The following GABRB2 variants were observed in gnomAD, a reference collection of about 807,000 sequenced individuals.
GABRB2 encodes gamma-aminobutyric acid receptor subunit beta-2.
GABRB2 carries 16 observed loss-of-function variants against 54.7 expected under a neutral mutation model. The observed-to-expected ratio is 0.29, with a 90% CI of 0.20 to 0.44. The LOEUF is 0.44. Among genes scored for constraint, GABRB2 ranks in the 20% least tolerant of loss-of-function variants. The pLI is 1.00. For missense variants in GABRB2, 355 were observed against 644.0 expected, an observed-to-expected ratio of 0.55 and a Z score of 4.86; for synonymous variants, 244 against 233.8, an observed-to-expected ratio of 1.04 and a Z score of -0.40.
intron 5 of GABRB2, among the ~76,000 whole-genome samples, chr5:161,387,938 T>C (rs1755697323): frequency 6.6e-6 from 1 of 152,094 alleles, no homozygotes; most frequent in Admixed American, 6.6e-5. Context: ...AACTAAACCT[T>C]ATAAAACTGG....
intron 5 of GABRB2, among the ~76,000 whole-genome samples, chr5:161,377,307 T>C (rs1755335477): frequency 6.6e-6 from 1 of 152,108 alleles, no homozygotes; most frequent in Non-Finnish European, 1.5e-5. Flanking sequence ...AGGGCCTCTG[T>C]ATCTTGAATC....
chr5:161,454,707 A>G (rs545887760), intron 4 of GABRB2, among the ~76,000 whole-genome samples: 1 of 152,334 alleles, frequency 6.6e-6, no homozygotes, highest in East Asian at 1.9e-4. Flanking sequence ...TCAAAGAATG[A>G]CTGGGTAGAA....
chr5:161,418,568 T>C (rs1480434194), intron 4 of GABRB2, among the ~76,000 whole-genome samples: 7 of 152,200 alleles, frequency 4.6e-5, no homozygotes, highest in Non-Finnish European at 1.0e-4. Context: ...AAAACTCTTC[T>C]TGACCCTTGA....
intron 4 of GABRB2, among the ~76,000 whole-genome samples, chr5:161,412,104 T>C (rs1311862229): frequency 6.6e-6 from 1 of 152,126 alleles, no homozygotes; most frequent in Admixed American, 6.6e-5. Flanking sequence ...TAGCTCCAGC[T>C]TGGGAGAAAC....
chr5:161,416,615 T>C (rs1251112702), intron 4 of GABRB2, among the ~76,000 whole-genome samples: 1 of 144,426 alleles, frequency 6.9e-6, no homozygotes, highest in Non-Finnish European at 1.5e-5. Flanking sequence ...GAGAATGGCG[T>C]GAACCCGGGA....
chr5:161,315,437 A>T (rs548462655), intron 9 of GABRB2, among the ~76,000 whole-genome samples: 1 of 152,218 alleles, frequency 6.6e-6, no homozygotes, highest in Admixed American at 6.5e-5. Flanking sequence ...ATGACTTCCT[A>T]GGTGTCTTTT....
chr5:161,479,982 A>G (rs891677338), intron 3 of GABRB2, among the ~76,000 whole-genome samples: 5 of 152,108 alleles, frequency 3.3e-5, no homozygotes, highest in African/African-American at 1.2e-4. Flanking sequence ...ACATGTGTAC[A>G]TACACCCATA....
chr5:161,541,824 C>A (rs1760827716), intron 3 of GABRB2, among the ~76,000 whole-genome samples: 1 of 152,254 alleles, frequency 6.6e-6, no homozygotes, highest in Non-Finnish European at 1.5e-5. Context: ...CATGTGTTCA[C>A]TGGACTACCA....
intron 5 of GABRB2, among the ~76,000 whole-genome samples, chr5:161,408,096 G>A (rs1393656892): frequency 6.6e-6 from 1 of 151,946 alleles, no homozygotes; most frequent in African/African-American, 2.4e-5. Flanking sequence ...ATTCATGCAT[G>A]TATTGACTTA....
chr5:161,528,317 T>C (rs1362405829), intron 3 of GABRB2, among the ~76,000 whole-genome samples: 2 of 151,800 alleles, frequency 1.3e-5, no homozygotes, highest in South Asian at 2.1e-4. Context: ...ATTTTCATTA[T>C]TGTTTATTAT....
At chr5:161,517,211 G>T (rs929772413) in intron 3 of GABRB2, among the ~76,000 whole-genome samples, 1 of 152,134 alleles carries the variant, frequency 6.6e-6, no homozygotes, top group Non-Finnish European at 1.5e-5. Flanking sequence ...GTGACCCTGA[G>T]AAAATATCTT....
intron 3 of GABRB2, among the ~76,000 whole-genome samples, chr5:161,483,412 C>A (rs181700534): frequency 6.6e-6 from 1 of 151,814 alleles, no homozygotes; most frequent in Admixed American, 6.6e-5. Flanking sequence ...GAAAAGGATT[C>A]GTTATTTAAA....
intron 3 of GABRB2, 94 bp downstream of exon 3, chr5:161,545,133 C>T: frequency 1.1e-6 from 1 of 891,362 alleles, no homozygotes; most frequent in Non-Finnish European, 1.7e-6. Flanking sequence ...TACACATAGC[C>T]AAGCACACCC....
intron 3 of GABRB2, among the ~76,000 whole-genome samples, chr5:161,490,196 G>T (rs372427340): frequency 1.3e-5 from 2 of 151,572 alleles, no homozygotes; most frequent in African/African-American, 4.8e-5. Flanking sequence ...TAATTATCTC[G>T]TTTTGTGTTA....
chr5:161,362,190 A>G (rs1754833695), intron 5 of GABRB2, among the ~76,000 whole-genome samples: 1 of 152,120 alleles, frequency 6.6e-6, no homozygotes, highest in Non-Finnish European at 1.5e-5. Flanking sequence ...CATGTAGCAT[A>G]ATTTGAAGTC....
At chr5:161,427,870 T>C (rs537248059) in intron 4 of GABRB2, among the ~76,000 whole-genome samples, 1 of 152,306 alleles carries the variant, frequency 6.6e-6, no homozygotes, top group Non-Finnish European at 1.5e-5. Context: ...TCACAGTAGT[T>C]AAGGCATTTG....
At chr5:161,307,863 C>CTT (rs34485396) in intron 9 of GABRB2, among the ~76,000 whole-genome samples, 21 of 140,126 alleles carry the variant, frequency 1.5e-4, no homozygotes, top group African/African-American at 2.4e-4. Context: ...AAGACTAATT[C>CTT]TTTTTTTTTT....
At chr5:161,374,662 TC>T (rs1250372135) in intron 5 of GABRB2, among the ~76,000 whole-genome samples, 1 of 152,208 alleles carries the variant, frequency 6.6e-6, no homozygotes, top group African/African-American at 2.4e-5. Context: ...ATACCTAACT[TC>T]CTTCTGTTCT....
chr5:161,319,139 T>TA (rs751223327), intron 9 of GABRB2, among the ~76,000 whole-genome samples: 13 of 148,472 alleles, frequency 8.8e-5, no homozygotes, highest in African/African-American at 2.7e-4. Context: ...TTTTTTTTTT[T>TA]AAATAAACAA....
Sources: gnomAD v4.1 joint callset for allele counts (sites outside exome capture counted in the v4.1 genomes callset) on GRCh38, gnomAD v4.1.1 for gene constraint, MANE v1.5 for transcripts, NCBI Gene and HGNC (gene_info 2026-07-23, HGNC 2026-07-21) for gene names.